TRANK1: variants seen among roughly 807,000 people sequenced by gnomAD.
TRANK1 encodes TPR and ankyrin repeat-containing protein 1.
A neutral mutation model predicts 266.0 loss-of-function variants in TRANK1; 198 were observed. The observed-to-expected ratio is 0.74, with a 90% CI of 0.66 to 0.84. The LOEUF (loss-of-function observed/expected upper bound fraction) is 0.84, where lower values mean the gene tolerates loss of function less well. Among genes scored for constraint, TRANK1 ranks in the 40% least tolerant of loss-of-function variants. TRANK1 has a pLI of 0.00. For synonymous variants in TRANK1, 1,396 were observed against 1,384.1 expected (o/e 1.01, Z -0.19); for missense variants, 3,326 against 3,634.6 (o/e 0.92, Z 2.18).
chr3:36,847,064 C>T, intron 16 of TRANK1, 136 bp downstream of exon 16: 1 of 1,109,850 alleles, frequency 9.0e-7, no homozygotes, highest in African/African-American at 1.6e-5. Context: ...CTGCCCCTTC[C>T]TTTCTTATCC....
chr3:36,884,246 T>C (rs149031974), intron 8 of TRANK1, among the ~76,000 whole-genome samples: 2 of 152,310 alleles, frequency 1.3e-5, no homozygotes, highest in Non-Finnish European at 2.9e-5. Flanking sequence ...TCCTAGCTCT[T>C]ATCTGCCAAA....
At position 36,892,957 on chromosome 3, in the gene TRANK1, C is replaced by CT; in HGVS notation, c.579dup (p.Asp194ArgfsTer19). 6.0e-6 allele frequency: 9 copies of CT among 1,511,306 alleles called. No homozygotes were observed. Among genetic ancestry groups the CT allele is most frequent in the South Asian group, 2.5e-5 (2 of 79,592 alleles). The allele number at this position is 1,511,306 out of a possible 1,614,324, so 93.6% of individuals were successfully genotyped here. On this transcript the variant is annotated frameshift_variant, in exon 6 of 24. Transcript: ENST00000645898. LOFTEE classifies it high-confidence loss of function. ...ACATGAATATTTCTTGGTAATCGGT[C>CT]TTTTTTTGCTGACAGAAGCAGAAAT...
intron 1 of TRANK1, among the ~76,000 whole-genome samples, chr3:36,916,843 T>C (rs1303195781): frequency 6.6e-6 from 1 of 150,820 alleles, no homozygotes; most frequent in Non-Finnish European, 1.5e-5. Context: ...GAGACCGGAG[T>C]CTTGCTCTGT....
intron 1 of TRANK1, among the ~76,000 whole-genome samples, chr3:36,913,405 G>A (rs1190662648): frequency 6.6e-6 from 1 of 151,522 alleles, no homozygotes; most frequent in Non-Finnish European, 1.5e-5. Context: ...TTGCTTGCTT[G>A]CTTGCTTGCT....
In TRANK1 at chr3:36,858,647, A is replaced by G. The variant is rs2079091960; in HGVS notation, c.1672+71T>C. ...TGGTTTACACAAAAGGAAAGACCAGAAAACATAGCATCAGTTCTAATATCC... is the reference window on the plus strand; with the variant it reads ...TGGTTTACACAAAAGGAAAGACCAGGAAACATAGCATCAGTTCTAATATCC... On this transcript the variant is annotated intron_variant, in intron 12 of 23. Coordinates refer to ENST00000645898, the MANE Select transcript of TRANK1 (RefSeq NM_001329998.2). 5.7e-6 allele frequency: 8 copies of G among 1,402,380 alleles called. No individual in the cohort carries two copies. In the East Asian group the frequency reaches 2.0e-4, roughly 36 times the overall value. 86.9% of individuals were successfully genotyped at this position (1,402,380 alleles called of 1,614,324 possible). A position where few individuals can be genotyped will look rare whatever the true frequency, so the allele number is the denominator to read the frequency against.
At chr3:36,920,181 A>G (rs182141302) in intron 1 of TRANK1, among the ~76,000 whole-genome samples, 3 of 152,340 alleles carry the variant, frequency 2.0e-5, no homozygotes, top group Admixed American at 6.5e-5. Flanking sequence ...ATATTCTTCT[A>G]AAAAACTAAA....
At chr3:36,859,267 C>T (rs373522693) in intron 11 of TRANK1, among the ~76,000 whole-genome samples, 44 of 148,988 alleles carry the variant, frequency 3.0e-4, no homozygotes, top group African/African-American at 6.4e-4. Context: ...ACATCCCTTG[C>T]TTCTTTTTTT....
rs766968420 is a variant in TRANK1, at chr3:36,833,773, T to C, written c.5810A>G (p.Glu1937Gly). The part of the protein sequence containing the change: ...MMAVLSKLDI[E>G]DQLVFLKSRK... ...AGACTTCAAGAACACCAGCTGGTCTTCTATGTCTAGCTTTGAGAGGACAGC... is the reference window on the plus strand; with the variant it reads ...AGACTTCAAGAACACCAGCTGGTCTCCTATGTCTAGCTTTGAGAGGACAGC... Residue 1937 changes from glutamate to glycine, a missense_variant, in exon 22 of 24, where the codon GAA becomes GGA. Glu to Gly is a moderately conservative substitution (Grantham distance 98). Coordinates refer to ENST00000645898, the MANE Select transcript of TRANK1 (RefSeq NM_001329998.2). 6.2e-7 allele frequency: 1 copy of C among 1,614,030 alleles called. No individual in the cohort carries two copies. The highest frequency in any genetic ancestry group is 1.1e-5 in the South Asian group (1 of 91,088).
chr3:36,858,237 G>A (rs542206825), intron 12 of TRANK1, among the ~76,000 whole-genome samples, 188 bp from the exon 13 acceptor site: 1 of 152,152 alleles, frequency 6.6e-6, no homozygotes, highest in Admixed American at 6.5e-5. Flanking sequence ...GGGACATTTG[G>A]CAATGTATAG....
intron 1 of TRANK1, among the ~76,000 whole-genome samples, chr3:36,940,753 A>G (rs2080486133): frequency 2.0e-5 from 3 of 152,184 alleles, no homozygotes; most frequent in Admixed American, 2.0e-4. Context: ...CCTATGTCTT[A>G]TATATTTACA....
chr3:36,832,387 A>T lies in TRANK1; in HGVS notation c.7196T>A (p.Met2399Lys). ...MLAPNRDDENMDKTHLCFIRL... is the reference protein window; with the variant it reads ...MLAPNRDDENKDKTHLCFIRL... ...GATGAAGCACAGGTGGGTCTTGTCC[A>T]TATTTTCATCATCCCTGTTGGGTGC... Residue 2399 changes from methionine (M) to lysine (K), a missense_variant, in exon 22 of 24, where the codon ATG becomes AAG. Coordinates refer to ENST00000645898, the MANE Select transcript of TRANK1 (RefSeq NM_001329998.2). 1 of 1,614,036 alleles carries T rather than the reference A, an allele frequency of 6.2e-7. No individual in the cohort carries two copies.
chr3:36,841,519 C>A (rs4392371), intron 18 of TRANK1, among the ~76,000 whole-genome samples: 37,004 of 152,054 alleles, frequency 0.24, 5,061 homozygotes, highest in East Asian at 0.57. Context: ...CTCTTTCTTG[C>A]CTTTTGGCAG....
At chr3:36,910,415 C>T (rs1400945522) in intron 1 of TRANK1, among the ~76,000 whole-genome samples, 4 of 152,086 alleles carry the variant, frequency 2.6e-5, no homozygotes, top group Non-Finnish European at 5.9e-5. Flanking sequence ...ATAGAAGATC[C>T]GTATGTTAGA....
At chr3:36,942,795 G>A (rs1048221953) in intron 1 of TRANK1, among the ~76,000 whole-genome samples, 4 of 151,834 alleles carry the variant, frequency 2.6e-5, no homozygotes, top group East Asian at 3.9e-4. Context: ...CTGGGAGAGC[G>A]GCGGAAACAG....
intron 1 of TRANK1, among the ~76,000 whole-genome samples, chr3:36,931,719 G>T (rs941768445): frequency 6.6e-6 from 1 of 151,986 alleles, no homozygotes; most frequent in South Asian, 2.1e-4. Context: ...AAGAAAGAAA[G>T]AAAGAATATA....
chr3:36,879,878 A>G lies in TRANK1; in HGVS notation c.908-5582T>C, dbSNP rs188409138. On this transcript the variant is annotated intron_variant, in intron 8 of 23. Transcript: ENST00000645898. ...TATACAAATATATGTAAACATACAA[A>G]TATATGTAAACATGCAAATATATGT... 2.3e-3 allele frequency among the ~76,000 whole-genome samples: 228 copies of G among 97,740 alleles called. 17 individuals carry two copies. Among genetic ancestry groups the G allele is most frequent in the East Asian group, 0.011 (29 of 2,546 alleles). The allele number at this position is 97,740 out of a possible 152,430, so 64.1% of individuals were successfully genotyped here.
chr3:36,899,431 G>A (rs987283020), intron 3 of TRANK1, among the ~76,000 whole-genome samples, 172 bp from the exon 4 acceptor site: 17 of 152,198 alleles, frequency 1.1e-4, no homozygotes, highest in African/African-American at 4.1e-4. Context: ...AAGGCAGGAG[G>A]ATCGCTTGAG....
intron 11 of TRANK1, among the ~76,000 whole-genome samples, chr3:36,859,719 G>A (rs965062978): frequency 6.6e-6 from 1 of 152,146 alleles, no homozygotes; most frequent in Non-Finnish European, 1.5e-5. Flanking sequence ...ACCTCTGTGG[G>A]CTTGGTTCCT....
At chr3:36,907,295 C>T (rs1369058593) in intron 2 of TRANK1, among the ~76,000 whole-genome samples, 4 of 151,862 alleles carry the variant, frequency 2.6e-5, no homozygotes, top group Non-Finnish European at 4.4e-5. Context: ...GGATTACAGG[C>T]GTGCGCCACT....
Sources: allele counts gnomAD v4.1 joint callset (sites outside exome capture counted in the v4.1 genomes callset), GRCh38; gene constraint gnomAD v4.1.1; transcripts MANE v1.5; gene names NCBI Gene and HGNC (gene_info 2026-07-23, HGNC 2026-07-21).